Variants in STAB2 observed in about 807,000 individuals in gnomAD.
The protein encoded by STAB2 is stabilin 2.
Under a neutral mutation model 338.1 loss-of-function variants are expected in STAB2, and 288 were observed. The ratio of observed to expected loss-of-function variants is 0.85; its 90% CI spans 0.77 to 0.94. The LOEUF (loss-of-function observed/expected upper bound fraction) is 0.94, where lower values mean the gene tolerates loss of function less well. STAB2 is among the 40% of genes least tolerant of loss of function. The pLI is 0.00. For missense variants in STAB2, 3,141 were observed against 3,210.1 expected, an observed-to-expected ratio of 0.98 and a Z score of 0.52; for synonymous variants, 1,202 against 1,193.3, an observed-to-expected ratio of 1.01 and a Z score of -0.15.
chr12:103,641,784 G>A (rs1267312153), intron 9 of STAB2, among the ~76,000 whole-genome samples: 1 of 152,176 alleles, frequency 6.6e-6, no homozygotes, highest in Non-Finnish European at 1.5e-5. Flanking sequence ...ACATTGTGAT[G>A]TTAGGGGTAC....
rs1236334357 is a variant in STAB2 at position 103,703,057 on chromosome 12, G to A, written c.3715-91G>A. The A allele has an allele frequency of 4.4e-6, 6 of 1,370,584 alleles. No individual in the cohort carries two copies. The East Asian group carries it at 1.2e-4, about 27-fold the overall frequency. 84.9% of individuals were successfully genotyped at this position (1,370,584 alleles called of 1,614,324 possible). On this transcript the variant is annotated intron_variant, in intron 34 of 68. Transcript: ENST00000388887. Reference sequence around the variant, plus strand: ...CAGGTGAATATTGTAATATCTCCTAGGCAATTGTCCTATTGCTAACCTCCA... The same window carrying A: ...CAGGTGAATATTGTAATATCTCCTAAGCAATTGTCCTATTGCTAACCTCCA...
intron 33 of STAB2, among the ~76,000 whole-genome samples, chr12:103,698,076 C>T (rs762604949): frequency 6.6e-5 from 10 of 152,172 alleles, no homozygotes; most frequent in Non-Finnish European, 1.5e-4. Flanking sequence ...AGAAGTGAGG[C>T]TGGGTGATGC....
chr12:103,687,813 T>C (rs1276267316), intron 27 of STAB2, among the ~76,000 whole-genome samples: 1 of 152,154 alleles, frequency 6.6e-6, no homozygotes. Context: ...AGGGGGCTAT[T>C]TGCTGAGCTC....
chr12:103,592,041 A>G (rs1327176639), intron 2 of STAB2: 5 of 152,188 alleles, frequency 3.3e-5, no homozygotes, highest in Admixed American at 1.3e-4. Flanking sequence ...ACTATATTCT[A>G]AAATCAAAAT....
chr12:103,688,345 G>A (rs938376102), intron 28 of STAB2, 130 bp downstream of exon 28: 28 of 881,598 alleles, frequency 3.2e-5, no homozygotes, highest in African/African-American at 1.2e-4. Flanking sequence ...GTTTCTCAAC[G>A]CTGGCTGCAC....
In STAB2 at chr12:103,677,605, C is replaced by T. The variant is rs753627340; in HGVS notation, c.2799C>T (p.Pro933=). ...HDNASCLYVG[P]GQNECECKKG... ...ACGCATCCTGTTTGTATGTGGGTCC[C>T]GGGCAGGTAGGTTGGATGTCATGAG... Residue 933 remains proline, a synonymous_variant, in exon 25 of 69, where the codon CCC becomes CCT. Transcript: ENST00000388887. 1.2e-5 allele frequency: 20 copies of T among 1,611,526 alleles called. No homozygotes were observed. The highest frequency in any genetic ancestry group is 1.1e-4 in the East Asian group (5 of 44,788).
chr12:103,645,538 T>C (rs1301049503), intron 9 of STAB2, among the ~76,000 whole-genome samples: 1 of 152,236 alleles, frequency 6.6e-6, no homozygotes, highest in African/African-American at 2.4e-5. Flanking sequence ...TGTCTTCAAA[T>C]GAAGGAATGT....
intron 3 of STAB2, among the ~76,000 whole-genome samples, chr12:103,617,956 C>A (rs80002447): frequency 2.6e-5 from 4 of 152,110 alleles, no homozygotes; most frequent in Non-Finnish European, 5.9e-5. Flanking sequence ...GGAAGGAGCC[C>A]CAGAGAAAAC....
At chr12:103,742,710 G>A (rs1882685281) in intron 56 of STAB2, among the ~76,000 whole-genome samples, 156 bp downstream of exon 56, 1 of 152,128 alleles carries the variant, frequency 6.6e-6, no homozygotes, top group Admixed American at 6.5e-5. Context: ...TTTCCTCCTT[G>A]GATGCATTCC....
In STAB2 at chr12:103,655,561, G is replaced by A. The variant is rs767974457; in HGVS notation, c.1714G>A (p.Asp572Asn). ...GAATAACATGAAGGACGGCACTCTCGATTACCTCCTTTCTCCAGAGGTACC... is the reference window on the plus strand; with the variant it reads ...GAATAACATGAAGGACGGCACTCTCAATTACCTCCTTTCTCCAGAGGTACC... ...ALNNMKDGTL[D>N]YLLSPEGSRK... is the part of the protein sequence containing the mutation. Residue 572 changes from aspartate (D) to asparagine (N), a missense_variant, in exon 15 of 69, where the codon GAT (aspartate) becomes AAT (asparagine). Asp to Asn is a conservative substitution (Grantham distance 23). Transcript: ENST00000388887. 2.2e-5 allele frequency: 36 copies of A among 1,613,646 alleles called. No homozygotes were observed. The highest frequency in any genetic ancestry group is 1.2e-4 in the African/African-American group (9 of 74,818).
intron 59 of STAB2, among the ~76,000 whole-genome samples, chr12:103,750,316 G>A (rs912277361): frequency 1.3e-5 from 2 of 152,234 alleles, no homozygotes; most frequent in Non-Finnish European, 2.9e-5. Context: ...TGTGATAGAA[G>A]GGAATGGAAA....
chr12:103,610,340 TATTA>T (rs1391879262), intron 3 of STAB2, among the ~76,000 whole-genome samples: 15 of 152,366 alleles, frequency 9.8e-5, no homozygotes, highest in Admixed American at 7.8e-4. Context: ...GTTGGTAAGC[TATTA>T]ATTATTGCCT....
chr12:103,664,183 G>T (rs1476746874), intron 18 of STAB2, among the ~76,000 whole-genome samples: 2 of 151,670 alleles, frequency 1.3e-5, no homozygotes, highest in African/African-American at 4.8e-5. Flanking sequence ...TCGCTCTGTT[G>T]CCCAGGCTGG....
At chr12:103,764,915 T>C (rs1322218184) in intron 68 of STAB2, among the ~76,000 whole-genome samples, 1 of 146,818 alleles carries the variant, frequency 6.8e-6, no homozygotes, top group Admixed American at 6.9e-5. Flanking sequence ...CTGGCCAACA[T>C]GGTGAAATCC....
At chr12:103,596,793 C>T (rs947552881) in intron 3 of STAB2, among the ~76,000 whole-genome samples, 2 of 151,788 alleles carry the variant, frequency 1.3e-5, no homozygotes, top group Admixed American at 6.6e-5. Flanking sequence ...CATCTACAAC[C>T]AAAAGAGTCC....
chr12:103,633,358 T>C (rs148139683), intron 6 of STAB2, among the ~76,000 whole-genome samples: 324 of 152,342 alleles, frequency 2.1e-3, no homozygotes, highest in African/African-American at 7.5e-3. Context: ...ATTGGATTCA[T>C]GTAAAGTCCA....
At chr12:103,638,375 G>A (rs1467192976) in intron 8 of STAB2, among the ~76,000 whole-genome samples, 163 bp downstream of exon 8, 1 of 152,172 alleles carries the variant, frequency 6.6e-6, no homozygotes, top group Non-Finnish European at 1.5e-5. Context: ...TGAAATCAGT[G>A]CCTGCTCACC....
At chr12:103,660,200 C>G (rs1874490967) in intron 15 of STAB2, 131 bp from the exon 16 acceptor site, 2 of 959,650 alleles carry the variant, frequency 2.1e-6, no homozygotes, top group South Asian at 1.4e-5. Flanking sequence ...TGGGGTTTCT[C>G]TCACCCTGGA....
At chr12:103,701,546 A>C (rs1024480013) in intron 34 of STAB2, among the ~76,000 whole-genome samples, 60 of 152,372 alleles carry the variant, frequency 3.9e-4, no homozygotes, top group African/African-American at 1.4e-3. Flanking sequence ...AATGTGATCC[A>C]TAATTCTCTG....
Sources: allele counts gnomAD v4.1 joint callset (sites outside exome capture counted in the v4.1 genomes callset), GRCh38; gene constraint gnomAD v4.1.1; transcripts MANE v1.5; gene names NCBI Gene and HGNC (gene_info 2026-07-23, HGNC 2026-07-21).